Variants in RERE observed in about 807,000 individuals in gnomAD.
RERE encodes the protein arginine-glutamic acid dipeptide repeats protein.
Under a neutral mutation model 146.1 loss-of-function variants are expected in RERE, and 40 were observed. The observed-to-expected ratio is 0.27, with a 90% CI of 0.21 to 0.36. The LOEUF (loss-of-function observed/expected upper bound fraction) is 0.36, where lower values mean the gene tolerates loss of function less well. Among genes scored for constraint, RERE ranks in the 10% least tolerant of loss-of-function variants. The pLI, the probability that RERE is intolerant of heterozygous loss-of-function variation, is 1.00. For missense variants in RERE, 1,933 were observed against 2,138.7 expected, an observed-to-expected ratio of 0.90 and a Z score of 1.90; for synonymous variants, 1,003 against 866.0, an observed-to-expected ratio of 1.16 and a Z score of -2.78.
chr1:8,369,534 A>AG (rs1641950673), intron 12 of RERE, among the ~76,000 whole-genome samples: 1 of 140,998 alleles, frequency 7.1e-6, no homozygotes, highest in African/African-American at 2.5e-5. Context: ...AAAAAAAAAA[A>AG]AAAGAAGAAA....
chr1:8,610,130 A>C (rs777661549), intron 4 of RERE, among the ~76,000 whole-genome samples: 18 of 152,170 alleles, frequency 1.2e-4, no homozygotes, highest in Admixed American at 6.5e-4. Context: ...TTAACTTTTA[A>C]ATTATTTTCA....
At chr1:8,636,986 A>C (rs1347691526) in intron 2 of RERE, among the ~76,000 whole-genome samples, 1 of 152,198 alleles carries the variant, frequency 6.6e-6, no homozygotes, top group Non-Finnish European at 1.5e-5. Flanking sequence ...AATCGGCAAA[A>C]TATTTAAATT....
At chr1:8,496,729 G>A (rs577443704) in intron 9 of RERE, among the ~76,000 whole-genome samples, 11 of 152,240 alleles carry the variant, frequency 7.2e-5, no homozygotes, top group African/African-American at 2.4e-4. Flanking sequence ...TGCATCGAAG[G>A]CATTTGTATG....
chr1:8,546,305 AT>A (rs1645861255), intron 6 of RERE, among the ~76,000 whole-genome samples: 1 of 45,038 alleles, frequency 2.2e-5, no homozygotes, highest in African/African-American at 9.2e-5. Flanking sequence ...AAAAATAAAA[AT>A]AAATAAAAAT....
chr1:8,454,292 T>C (rs1423144067), intron 11 of RERE, among the ~76,000 whole-genome samples: 1 of 152,200 alleles, frequency 6.6e-6, no homozygotes, highest in Non-Finnish European at 1.5e-5. Flanking sequence ...CACACATGCA[T>C]GTGTACACGT....
Position 8,360,331 on chromosome 1 carries a change from G to T in RERE, c.3176C>A (p.Pro1059Gln). 1 of 1,523,260 alleles carries T rather than the reference G, an allele frequency of 6.6e-7. No individual in the cohort carries two copies. The highest frequency in any genetic ancestry group is 1.2e-5 in the South Asian group (1 of 80,492). The allele number at this position is 1,523,260 out of a possible 1,614,324, so 94.4% of individuals were successfully genotyped here. The change falls in exon 18 of 23, where the codon CCG becomes CAG. Residue 1059 changes from proline to glutamine, a missense_variant. Physicochemically the swap from Pro to Gln is moderately conservative, Grantham distance 76. Around this residue, in one of 11 missense-constraint regions of RERE, gnomAD observed 1,255 missense variants for 1,153.8 expected, o/e 1.09. Transcript: ENST00000400908. ...PPTCPSTSTPPAGPGTSAQPP... is the reference protein window; with the variant it reads ...PPTCPSTSTPQAGPGTSAQPP... ...CTGGGCCGAGGTGCCAGGTCCCGCC[G>T]GTGGGGTAGAGGTGGAGGGGCAGGT... is the stretch of plus-strand genomic sequence containing the variant.
At chr1:8,686,067 G>A (rs976772613) in intron 1 of RERE, among the ~76,000 whole-genome samples, 1 of 150,986 alleles carries the variant, frequency 6.6e-6, no homozygotes, top group African/African-American at 2.4e-5. Context: ...CTGCAGCCTC[G>A]ACTTCCCAAG....
intron 1 of RERE, among the ~76,000 whole-genome samples, chr1:8,689,011 C>G (rs1269118974): frequency 1.3e-5 from 2 of 151,872 alleles, no homozygotes; most frequent in Non-Finnish European, 2.9e-5. Flanking sequence ...AATGAGTGAG[C>G]TATCTCGTAT....
At chr1:8,550,213 A>T (rs995948915) in intron 6 of RERE, among the ~76,000 whole-genome samples, 1 of 152,246 alleles carries the variant, frequency 6.6e-6, no homozygotes, top group African/African-American at 2.4e-5. Context: ...TTCAAATACT[A>T]TGAAGTACTC....
At chr1:8,378,678 TC>T (rs1009959026) in intron 12 of RERE, among the ~76,000 whole-genome samples, 55 of 152,280 alleles carry the variant, frequency 3.6e-4, no homozygotes, top group Admixed American at 6.5e-4. Flanking sequence ...GTCTTGGACT[TC>T]CAACTTCCAG....
At chr1:8,667,558 T>A (rs1434438438) in intron 1 of RERE, among the ~76,000 whole-genome samples, 2 of 152,138 alleles carry the variant, frequency 1.3e-5, no homozygotes, top group Non-Finnish European at 2.9e-5. Context: ...GTGCCTGTAA[T>A]TCCAGCTACT....
At chr1:8,638,815 G>T (rs1287300217) in intron 2 of RERE, among the ~76,000 whole-genome samples, 1 of 130,136 alleles carries the variant, frequency 7.7e-6, no homozygotes, top group East Asian at 2.3e-4. Flanking sequence ...TTTTGAGATG[G>T]AGTCTCGCTG....
chr1:8,551,608 ACTTTT>A (rs1557683238), intron 6 of RERE, among the ~76,000 whole-genome samples: 1 of 152,150 alleles, frequency 6.6e-6, no homozygotes, highest in Non-Finnish European at 1.5e-5. Context: ...TTCCACTTAT[ACTTTT>A]AAGAACTCAG....
At chr1:8,466,072 G>A (rs1166320509) in intron 10 of RERE, 49 bp from the exon 11 acceptor site, 1 of 1,484,572 alleles carries the variant, frequency 6.7e-7, no homozygotes, top group East Asian at 2.3e-5. Flanking sequence ...ATAACAGACA[G>A]GACACAATCG....
At chr1:8,710,040 T>C (rs1330916786) in intron 1 of RERE, among the ~76,000 whole-genome samples, 1 of 152,238 alleles carries the variant, frequency 6.6e-6, no homozygotes, top group Non-Finnish European at 1.5e-5. Flanking sequence ...AAGTAGTCCC[T>C]GTCAAGCCTC....
chr1:8,501,100 G>A (rs1194480343), intron 8 of RERE, among the ~76,000 whole-genome samples: 5 of 127,404 alleles, frequency 3.9e-5, no homozygotes, highest in African/African-American at 5.9e-5. Flanking sequence ...TCCTCTGCCC[G>A]GCCGCCCCTA....
chr1:8,416,883 A>G (rs1643789892), intron 12 of RERE, among the ~76,000 whole-genome samples: 1 of 152,200 alleles, frequency 6.6e-6, no homozygotes, highest in Non-Finnish European at 1.5e-5. Flanking sequence ...ATTCTGGCTC[A>G]AGAGACAAGG....
intron 6 of RERE, among the ~76,000 whole-genome samples, chr1:8,553,069 G>C (rs1200853260): frequency 6.6e-6 from 1 of 150,580 alleles, no homozygotes; most frequent in Non-Finnish European, 1.5e-5. Flanking sequence ...CAGTAGGCCA[G>C]TGTGTCCACA....
At position 8,359,981 on chromosome 1, in the gene RERE, T is replaced by C. The variant is rs756826589; in HGVS notation, c.3401A>G (p.Tyr1134Cys). Reference sequence around the variant, plus strand: ...GTTGTAGCCCCGGTCCAGGTGTTTGTAGAACCTGAGAAAAGCCACAGATCT... The same window carrying C: ...GTTGTAGCCCCGGTCCAGGTGTTTGCAGAACCTGAGAAAAGCCACAGATCT... ...PSHASQSARF[Y>C]KHLDRGYNSC... Residue 1134 changes from tyrosine (Y) to cysteine (C), a missense_variant, in exon 19 of 23, where the codon TAC becomes TGC. By Grantham distance (194) the Tyr-to-Cys change is radical. This residue lies in a region of RERE where 1,255 missense variants were observed against 1,153.8 expected (regional missense o/e 1.09). Coordinates refer to ENST00000400908, the MANE Select transcript of RERE (RefSeq NM_001042681.2). 16 of 1,612,384 alleles carry C rather than the reference T, an allele frequency of 9.9e-6. No individual in the cohort carries two copies. The South Asian group carries it at 1.1e-4, about 11-fold the overall frequency.
Sources: allele counts gnomAD v4.1 joint callset (sites outside exome capture counted in the v4.1 genomes callset), GRCh38; gene constraint gnomAD v4.1.1; regional missense constraint gnomAD v4.1.1; transcripts MANE v1.5; gene names NCBI Gene and HGNC (gene_info 2026-07-23, HGNC 2026-07-21).